Variants in TG observed in about 807,000 individuals in gnomAD.
TG encodes thyroglobulin.
TG carries 270 observed loss-of-function variants against 324.7 expected under a neutral mutation model. The ratio of observed to expected loss-of-function variants is 0.83; its 90% confidence interval spans 0.75 to 0.92. TG has a LOEUF of 0.92. TG is among the 40% of genes least tolerant of loss of function. TG has a pLI of 0.00. For synonymous variants in TG, 1,401 were observed against 1,327.0 expected, an observed-to-expected ratio of 1.06 and a Z score of -1.21; for missense variants, 3,591 against 3,456.4, an observed-to-expected ratio of 1.04 and a Z score of -0.98.
intron 42 of TG, 30 bp from the exon 43 acceptor site, chr8:133,096,176 G>A: frequency 6.2e-7 from 1 of 1,613,738 alleles, no homozygotes; most frequent in Non-Finnish European, 8.5e-7. Context: ...ATTATTCCAG[G>A]ACAACTGATT....
chr8:132,975,370 C>T (rs895558161), intron 34 of TG, among the ~76,000 whole-genome samples: 41 of 152,244 alleles, frequency 2.7e-4, no homozygotes, highest in Non-Finnish European at 7.3e-5. Context: ...GTTACAACAT[C>T]TTGACAGGAG....
chr8:133,056,647 C>T (rs575444449), intron 41 of TG, among the ~76,000 whole-genome samples: 9 of 152,272 alleles, frequency 5.9e-5, no homozygotes, highest in Non-Finnish European at 1.0e-4. Flanking sequence ...AACTGCAAAA[C>T]GGAGATGATA....
intron 35 of TG, among the ~76,000 whole-genome samples, chr8:133,008,324 G>A (rs190337718): frequency 2.0e-5 from 3 of 152,264 alleles, no homozygotes; most frequent in Admixed American, 1.3e-4. Context: ...GTTTAAGCAG[G>A]ATGGAGGCAG....
intron 41 of TG, chr8:133,060,163 C>G: frequency 6.2e-7 from 1 of 1,612,694 alleles, no homozygotes; most frequent in South Asian, 1.1e-5. Flanking sequence ...TTTCCCATTT[C>G]TTTCTTTTTC....
intron 35 of TG, chr8:132,983,703 T>C: frequency 2.0e-6 from 1 of 508,978 alleles, no homozygotes; most frequent in South Asian, 2.1e-5. Flanking sequence ...TAAGGATTAT[T>C]TCGCCCTATC....
intron 21 of TG, 90 bp downstream of exon 21, chr8:132,919,615 T>A: frequency 6.4e-7 from 1 of 1,559,710 alleles, no homozygotes; most frequent in Non-Finnish European, 8.8e-7. Context: ...TATTGACATT[T>A]TGGGACAGAT....
chr8:132,918,224 G>A (rs1312896587), intron 20 of TG, among the ~76,000 whole-genome samples: 1 of 152,200 alleles, frequency 6.6e-6, no homozygotes, highest in Non-Finnish European at 1.5e-5. Context: ...ATTTGCAGCG[G>A]AAGTTAAGTT....
chr8:132,939,906 C>T (rs945675278), intron 25 of TG, among the ~76,000 whole-genome samples: 4 of 152,094 alleles, frequency 2.6e-5, no homozygotes, highest in Admixed American at 2.0e-4. Flanking sequence ...GAACTCCTGA[C>T]CTCAAGTGAT....
At chr8:132,890,766 G>C (rs1816114772) in intron 10 of TG, among the ~76,000 whole-genome samples, 2 of 152,220 alleles carry the variant, frequency 1.3e-5, no homozygotes, top group Admixed American at 1.3e-4. Context: ...ATAAGTGATG[G>C]CTGGATTAAT....
intron 41 of TG, among the ~76,000 whole-genome samples, chr8:133,044,295 A>G (rs1838881381): frequency 1.3e-5 from 2 of 151,990 alleles, no homozygotes; most frequent in East Asian, 3.9e-4. Context: ...GCAGTATCCT[A>G]CACTCTTCCA....
chr8:132,871,514 G>A lies in TG; in HGVS notation c.441G>A (p.Glu147=), dbSNP rs1839477204. Residue 147 remains glutamate, a synonymous_variant, in exon 4 of 48, where the codon GAG becomes GAA. Coordinates refer to ENST00000220616, the MANE Select transcript of TG (RefSeq NM_003235.5). The part of the protein sequence containing the change: ...QCWCVDAEGM[E]VYGTRQLGRP... ...GGTGTGTGGACGCAGAGGGGATGGAGGTGTATGGGACCCGCCAGCTGGGGA... is the reference window on the plus strand; with the variant it reads ...GGTGTGTGGACGCAGAGGGGATGGAAGTGTATGGGACCCGCCAGCTGGGGA... 2.5e-6 allele frequency: 4 copies of A among 1,614,164 alleles called. No individual in the cohort carries two copies. Among genetic ancestry groups the A allele is most frequent in the Non-Finnish European group, 3.4e-6 (4 of 1,180,014 alleles).
chr8:132,939,780 G>A (rs143857727), intron 25 of TG, among the ~76,000 whole-genome samples: 3,024 of 152,076 alleles, frequency 0.02, 102 homozygotes, highest in African/African-American at 0.066. Flanking sequence ...AGGTTGAAGG[G>A]ATTCTCCTGC....
intron 35 of TG, among the ~76,000 whole-genome samples, chr8:132,999,125 AAGGATGAGACAGGTTC>A (rs939217574): frequency 2.0e-5 from 3 of 152,094 alleles, no homozygotes; most frequent in African/African-American, 7.2e-5. Flanking sequence ...GAGGCTGGGG[AAGGATGAGACAGGTTC>A]AGGGGGTAGC....
At chr8:133,113,661 G>A in intron 44 of TG, 58 bp downstream of exon 44, 2 of 1,582,944 alleles carry the variant, frequency 1.3e-6, no homozygotes, top group Non-Finnish European at 1.7e-6. Context: ...AGCAGACTCA[G>A]TTGGTGTTCA....
At chr8:132,945,733 C>G (rs1040702028) in intron 26 of TG, among the ~76,000 whole-genome samples, 2 of 152,026 alleles carry the variant, frequency 1.3e-5, no homozygotes, top group Non-Finnish European at 2.9e-5. Context: ...AGAGAAGGAG[C>G]AGCCAGAGGG....
chr8:132,890,805 A>G (rs1033299740), intron 10 of TG, among the ~76,000 whole-genome samples: 27 of 152,246 alleles, frequency 1.8e-4, no homozygotes, highest in African/African-American at 6.5e-4. Flanking sequence ...CGAAGGGACC[A>G]ATAACTTCCT....
chr8:132,932,859 G>C (rs950330084), intron 23 of TG, among the ~76,000 whole-genome samples: 6 of 152,210 alleles, frequency 3.9e-5, no homozygotes, highest in Admixed American at 3.9e-4. Context: ...ACAAAGTTGT[G>C]ATCTCAATGG....
At chr8:132,892,654 AGTGT>A (rs935056107) in intron 10 of TG, among the ~76,000 whole-genome samples, 1 of 151,918 alleles carries the variant, frequency 6.6e-6, no homozygotes, top group South Asian at 2.1e-4. Context: ...TGTATTGTGT[AGTGT>A]GTGTATGTGT....
chr8:133,033,851 C>G (rs1836850393), intron 41 of TG, among the ~76,000 whole-genome samples: 2 of 152,214 alleles, frequency 1.3e-5, no homozygotes. Context: ...ATTTTACATG[C>G]TTATTATTTT....
Sources: gnomAD v4.1 joint callset for allele counts (sites outside exome capture counted in the v4.1 genomes callset) on GRCh38, gnomAD v4.1.1 for gene constraint, MANE v1.5 for transcripts, NCBI Gene and HGNC (gene_info 2026-07-23, HGNC 2026-07-21) for gene names.